CCDC39: variants seen among roughly 807,000 people sequenced by gnomAD.
The protein encoded by CCDC39 is coiled-coil domain-containing protein 39.
CCDC39 carries 113 observed loss-of-function variants against 121.0 expected under a neutral mutation model. The ratio of observed to expected loss-of-function variants is 0.93; its 90% confidence interval spans 0.80 to 1.09. The LOEUF (loss-of-function observed/expected upper bound fraction) is 1.09. Among genes scored for constraint, CCDC39 ranks in the 50% least tolerant of loss-of-function variants. The pLI is 0.00. For missense variants in CCDC39, 1,063 were observed against 1,074.7 expected (o/e 0.99, Z 0.15); for synonymous variants, 349 against 352.2 (o/e 0.99, Z 0.10).
In CCDC39 at chr3:180,623,177, A is replaced by G. The variant is rs181954863; in HGVS notation, c.1999-3207T>C. Among the ~76,000 whole-genome samples the G allele has an allele frequency of 9.2e-4, 139 of 150,718 alleles. 1 individual carries two copies. Among genetic ancestry groups the G allele is most frequent in the African/African-American group, 2.7e-3 (111 of 41,200 alleles). ...GGGATTTTTGTTTCTTCCTGGTTCA[A>G]CCTTGGGAGGGTGTATTATATGTTT... On this transcript the variant is annotated intron_variant, in intron 14 of 19. Coordinates refer to ENST00000476379, the MANE Select transcript of CCDC39 (RefSeq NM_181426.2).
chr3:180,666,621 G>A (rs938039022), intron 1 of CCDC39, among the ~76,000 whole-genome samples: 5 of 152,008 alleles, frequency 3.3e-5, no homozygotes, highest in African/African-American at 1.2e-4. Flanking sequence ...ATTGCATAAT[G>A]TCCCCAGAGC....
chr3:180,642,962 AT>A (rs111261462), intron 12 of CCDC39, among the ~76,000 whole-genome samples: 6,841 of 145,248 alleles, frequency 0.047, 186 homozygotes, highest in African/African-American at 0.065. Flanking sequence ...GACAGAGATA[AT>A]TTTTTTTTTT....
intron 13 of CCDC39, among the ~76,000 whole-genome samples, chr3:180,640,055 G>A (rs1439408029): frequency 6.6e-6 from 1 of 152,062 alleles, no homozygotes; most frequent in East Asian, 1.9e-4. Context: ...TGTCCGGAGA[G>A]AGAAACATGG....
At chr3:180,635,087 G>A (rs974848123) in intron 13 of CCDC39, among the ~76,000 whole-genome samples, 3 of 152,210 alleles carry the variant, frequency 2.0e-5, no homozygotes, top group Non-Finnish European at 1.5e-5. Flanking sequence ...CATGAATCAT[G>A]ATGGAAGGCA....
At chr3:180,632,495 A>G (rs931657253) in intron 13 of CCDC39, among the ~76,000 whole-genome samples, 1 of 152,148 alleles carries the variant, frequency 6.6e-6, no homozygotes. Flanking sequence ...CATAAGTTAC[A>G]GTTTTTCTTA....
At chr3:180,621,772 G>A (rs1717437695) in intron 14 of CCDC39, among the ~76,000 whole-genome samples, 1 of 151,990 alleles carries the variant, frequency 6.6e-6, no homozygotes, top group Non-Finnish European at 1.5e-5. Context: ...TCTCTTTTCT[G>A]TACCATTGAT....
intron 1 of CCDC39, among the ~76,000 whole-genome samples, chr3:180,670,980 G>A (rs547381526): frequency 6.6e-6 from 1 of 152,188 alleles, no homozygotes; most frequent in South Asian, 2.1e-4. Context: ...GGGAGGCCAA[G>A]GCTGGCAGAT....
intron 6 of CCDC39, among the ~76,000 whole-genome samples, chr3:180,656,983 C>G (rs1329274451): frequency 1.3e-5 from 2 of 152,160 alleles, no homozygotes. Context: ...GCTGCTTTGC[C>G]TATGGAATAG....
At chr3:180,671,545 G>A (rs1246755065) in intron 1 of CCDC39, among the ~76,000 whole-genome samples, 1 of 152,174 alleles carries the variant, frequency 6.6e-6, no homozygotes, top group East Asian at 1.9e-4. Flanking sequence ...TCTGGAGTTT[G>A]CCTTCCCTGC....
chr3:180,642,317 T>C (rs1717974377), intron 12 of CCDC39, 116 bp from the exon 13 acceptor site: 6 of 544,734 alleles, frequency 1.1e-5, no homozygotes, highest in Non-Finnish European at 1.9e-5. Flanking sequence ...ATTTAACCAT[T>C]GACTAAGATA....
intron 14 of CCDC39, among the ~76,000 whole-genome samples, chr3:180,626,757 C>A (rs911858179): frequency 6.6e-6 from 1 of 152,104 alleles, no homozygotes; most frequent in African/African-American, 2.4e-5. Flanking sequence ...GTGCAGTCTT[C>A]TCACACCTCC....
chr3:180,654,953 CCTAGGATTA>C lies in CCDC39; in HGVS notation c.739-9_739-1del. On this transcript the variant is annotated splice_acceptor_variant and splice_polypyrimidine_tract_variant and intron_variant, in intron 6 of 19. Transcript: ENST00000476379. LOFTEE classifies it high-confidence loss of function. The stretch of plus-strand genomic sequence containing the variant: ...GTTTCCTGCTTTATCCTTGCTAATT[CCTAGGATTA>C]AAACAAATATGTTTACTTAAATATA... 2 of 1,522,842 alleles carry C rather than the reference CCTAGGATTA, an allele frequency of 1.3e-6. No individual in the cohort carries two copies. The highest frequency in any genetic ancestry group is 1.8e-6 in the Non-Finnish European group (2 of 1,137,542). The allele number at this position is 1,522,842 out of a possible 1,614,324, so 94.3% of individuals were successfully genotyped here.
At chr3:180,616,433 G>T in intron 18 of CCDC39, 70 bp from the exon 19 acceptor site, 1 of 1,504,712 alleles carries the variant, frequency 6.6e-7, no homozygotes, top group Non-Finnish European at 8.9e-7. Context: ...TTTTTAATTA[G>T]CTTTCACTTC....
At chr3:180,644,060 T>C (rs1718017244) in intron 12 of CCDC39, 60 bp downstream of exon 12, 1 of 1,268,636 alleles carries the variant, frequency 7.9e-7, no homozygotes, top group Non-Finnish European at 1.1e-6. Context: ...TTTTCATTTG[T>C]CTACAATTAA....
Position 180,644,234 on chromosome 3 carries a change from C to T in CCDC39, c.1551G>A (p.Lys517=). The T allele has an allele frequency of 6.6e-7, 1 of 1,525,458 alleles. No individual in the cohort carries two copies. Among genetic ancestry groups the T allele is most frequent in the Non-Finnish European group, 8.8e-7 (1 of 1,136,140 alleles). 94.5% of individuals were successfully genotyped at this position (1,525,458 alleles called of 1,614,324 possible). The change falls in exon 12 of 20, where the codon AAG becomes AAA. Residue 517 remains lysine, a synonymous_variant. Coordinates refer to ENST00000476379, the MANE Select transcript of CCDC39 (RefSeq NM_181426.2). ...KLHNDLYFIK[K]AHSKNSDEKQ... The stretch of plus-strand genomic sequence containing the variant: ...TTTCATCACTGTTTTTACTATGTGC[C>T]TTCTTGATAAAATAAAGATCATTCT...
intron 1 of CCDC39, among the ~76,000 whole-genome samples, chr3:180,665,817 G>A (rs899199511): frequency 7.9e-5 from 12 of 151,066 alleles, no homozygotes; most frequent in South Asian, 2.1e-4. Context: ...TATTTAATAC[G>A]GAGGATCATT....
intron 10 of CCDC39, 53 bp from the exon 11 acceptor site, chr3:180,647,296 A>C: frequency 6.9e-7 from 1 of 1,452,448 alleles, no homozygotes; most frequent in Non-Finnish European, 9.2e-7. Context: ...AAGCATTTCT[A>C]CAAGTGTAAA....
chr3:180,657,576 G>A (rs1576948448), intron 6 of CCDC39, among the ~76,000 whole-genome samples: 1 of 152,134 alleles, frequency 6.6e-6, no homozygotes, highest in Non-Finnish European at 1.5e-5. Flanking sequence ...TTTATGAGCT[G>A]TGTACTCATG....
chr3:180,673,477 G>C (rs770249198), intron 1 of CCDC39, among the ~76,000 whole-genome samples: 1 of 152,132 alleles, frequency 6.6e-6, no homozygotes, highest in Non-Finnish European at 1.5e-5. Context: ...TCAGATGCTT[G>C]TTAGTATTTT....
Sources: gnomAD v4.1 joint callset for allele counts (sites outside exome capture counted in the v4.1 genomes callset) on GRCh38, gnomAD v4.1.1 for gene constraint, MANE v1.5 for transcripts, NCBI Gene and HGNC (gene_info 2026-07-23, HGNC 2026-07-21) for gene names.